The following POLD1 variants were observed in gnomAD, a reference collection of about 807,000 sequenced individuals.
POLD1 encodes the protein DNA polymerase delta 1, catalytic subunit.
POLD1 carries 79 observed loss-of-function variants against 129.7 expected under a neutral mutation model. The observed-to-expected ratio is 0.61, with a 90% confidence interval of 0.51 to 0.73. The LOEUF is 0.73. Among genes scored for constraint, POLD1 ranks in the 30% least tolerant of loss-of-function variants. POLD1 has a pLI of 0.00. For synonymous variants in POLD1, 714 were observed against 683.3 expected (o/e 1.04, Z -0.70); for missense variants, 1,338 against 1,595.8 (o/e 0.84, Z 2.75).
At chr19:50,398,078 G>A (rs1026980125) in intron 1 of POLD1, among the ~76,000 whole-genome samples, 1 of 152,214 alleles carries the variant, frequency 6.6e-6, no homozygotes, top group Non-Finnish European at 1.5e-5. Flanking sequence ...GAGAGGCGGT[G>A]AGAGAGCACA....
chr19:50,398,636 G>A lies in POLD1; in HGVS notation c.-1-215G>A, dbSNP rs1673026. The stretch of plus-strand genomic sequence containing the variant: ...ACCTAGTGTGATGGGAGAGAGGGTC[G>A]GGGAGTCGACGGGGCTGCTGCTGCA... On this transcript the variant is annotated intron_variant, in intron 1 of 26. Coordinates refer to ENST00000440232, the MANE Select transcript of POLD1 (RefSeq NM_002691.4). Among the ~76,000 whole-genome samples the A allele has an allele frequency of 0.13, 20,248 of 150,460 alleles. 2,039 individuals carry two copies. The highest frequency in any genetic ancestry group is 0.28 in the African/African-American group (11,409 of 40,724).
chr19:50,413,929 C>G (rs1305661717), intron 19 of POLD1, 50 bp downstream of exon 19: 1 of 1,518,308 alleles, frequency 6.6e-7, no homozygotes, highest in East Asian at 2.3e-5. Context: ...CATCAGGGTA[C>G]TCAGGGTGTC....
chr19:50,413,986 CT>C, intron 19 of POLD1, 107 bp downstream of exon 19: 1 of 1,196,630 alleles, frequency 8.4e-7, no homozygotes, highest in Non-Finnish European at 1.1e-6. Flanking sequence ...GATGTTGCTG[CT>C]TAGATTCTCC....
rs2122504290 is a variant in POLD1 at position 50,417,092 on chromosome 19, AAGG to A, written c.3119_3120+1del. ...GCCCCGGGAGTCTGAGCTGTATCAG[AAGG>A]AGGTGAGAGGGCCGGGAGGTGAGGA... is the stretch of plus-strand genomic sequence containing the variant. On this transcript the variant is annotated inframe_deletion and splice_region_variant, in exon 25 of 27. Coordinates refer to ENST00000440232, the MANE Select transcript of POLD1 (RefSeq NM_002691.4). 6.4e-7 allele frequency: 1 copy of A among 1,559,554 alleles called. No individual in the cohort carries two copies. The highest frequency in any genetic ancestry group is 8.7e-7 in the Non-Finnish European group (1 of 1,151,294).
chr19:50,413,727 C>A lies in POLD1; in HGVS notation c.2251-15C>A, dbSNP rs369857347. 2 of 1,587,434 alleles carry A rather than the reference C, an allele frequency of 1.3e-6. No homozygotes were observed. Among genetic ancestry groups the A allele is most frequent in the South Asian group, 1.1e-5 (1 of 88,228 alleles). ...GACCCTGCTTCTCACATACACACAT[C>A]CCCACCGCCCGCAGGTGGTGTATGG... On this transcript the variant is annotated splice_polypyrimidine_tract_variant and intron_variant, in intron 18 of 26. Transcript: ENST00000440232.
intron 14 of POLD1, among the ~76,000 whole-genome samples, chr19:50,407,725 A>ATTTTTTTTTTTTT (rs571759517): frequency 7.3e-5 from 7 of 95,328 alleles, no homozygotes; most frequent in African/African-American, 1.4e-4. Flanking sequence ...CGCCTGGCTA[A>ATTTTTTTTTTTTT]TTTTTTTTTT....
In POLD1 at chr19:50,414,983, A is replaced by G; in HGVS notation, c.2557A>G (p.Ile853Val). 1.3e-6 allele frequency: 2 copies of G among 1,579,886 alleles called. No individual in the cohort carries two copies. The highest frequency in any genetic ancestry group is 1.7e-6 in the Non-Finnish European group (2 of 1,162,078). Residue 853 changes from isoleucine (I) to valine (V), a missense_variant, in exon 20 of 27, where the codon ATC (isoleucine) becomes GTC (valine). This residue lies in a region of POLD1 where 720 missense variants were observed against 1,002.6 expected (regional missense o/e 0.72). Transcript: ENST00000440232. ...LVTASLRRLL[I>V]DRDPEGAVAH... is the part of the protein sequence containing the mutation. Reference sequence around the variant, plus strand: ...CACTGCCTCACTGCGCCGCCTGCTCATCGACCGGTGTGTGGGGCCTCCTCC... The same window carrying G: ...CACTGCCTCACTGCGCCGCCTGCTCGTCGACCGGTGTGTGGGGCCTCCTCC...
chr19:50,409,594 G>A lies in POLD1; in HGVS notation c.2082G>A (p.Lys694=). 1 of 1,613,326 alleles carries A rather than the reference G, an allele frequency of 6.2e-7. No individual in the cohort carries two copies. Among genetic ancestry groups the A allele is most frequent in the East Asian group, 2.2e-5 (1 of 44,884 alleles). The change falls in exon 17 of 27, where the codon AAG becomes AAA. Residue 694 remains lysine (K), a synonymous_variant. Coordinates refer to ENST00000440232, the MANE Select transcript of POLD1 (RefSeq NM_002691.4). This position sits in a 1 kb window ranked among gnomAD's most constrained non-coding sequence, Gnocchi z 5.8. ...QVLDGRQLAL[K]VSANSVYGFT... is the part of the protein sequence containing the mutation. ...TGGATGGACGGCAGCTGGCGCTGAA[G>A]GTGAGCGCCAACTCCGTATACGGCT...
At chr19:50,385,545 T>G (rs2037940017) in intron 1 of POLD1, among the ~76,000 whole-genome samples, 1 of 134,234 alleles carries the variant, frequency 7.4e-6, no homozygotes, top group Non-Finnish European at 1.5e-5. Flanking sequence ...TTTTTTTTTT[T>G]TGAGACAGAG....
rs778084767 is a variant in POLD1, at chr19:50,402,753, G to T, written c.970+12G>T. On this transcript the variant is annotated intron_variant, in intron 8 of 26. Coordinates refer to ENST00000440232, the MANE Select transcript of POLD1 (RefSeq NM_002691.4). ...CGCCGGCCGCAAAGGTCTGTCCCCG[G>T]GCCCGGGCTCCTGCCCGCCTCATTG... 1 of 1,577,532 alleles carries T rather than the reference G, an allele frequency of 6.3e-7. No individual in the cohort carries two copies.
Position 50,415,756 on chromosome 19 carries a change from G to T in POLD1, c.2750G>T (p.Ser917Ile). The change falls in exon 22 of 27, where the codon AGC (serine) becomes ATC (isoleucine). Residue 917 changes from serine (S) to isoleucine (I), a missense_variant. Ser to Ile is a moderately radical substitution (Grantham distance 142, BLOSUM62 -2). Around this residue, in one of 3 missense-constraint regions of POLD1, gnomAD observed 286 missense variants for 277.5 expected, o/e 1.03. Coordinates refer to ENST00000440232, the MANE Select transcript of POLD1 (RefSeq NM_002691.4). ...AAGCGGGACCCCGGGAGTGCGCCCA[G>T]CCTGGGCGACCGCGTCCCCTACGTG... The part of the protein sequence containing the change: ...MRKRDPGSAP[S>I]LGDRVPYVII... 1 of 1,403,290 alleles carries T rather than the reference G, an allele frequency of 7.1e-7. No homozygotes were observed. 86.9% of individuals were successfully genotyped at this position (1,403,290 alleles called of 1,614,324 possible).
chr19:50,407,209 C>G, intron 13 of POLD1, 35 bp downstream of exon 13: 1 of 1,577,414 alleles, frequency 6.3e-7, no homozygotes, highest in Non-Finnish European at 8.7e-7. Flanking sequence ...CCACCCCCCA[C>G]CAGGCACGTC....
intron 8 of POLD1, 94 bp from the exon 9 acceptor site, chr19:50,402,959 C>T (rs56127983): frequency 8.8e-6 from 13 of 1,469,334 alleles, no homozygotes; most frequent in Admixed American, 4.0e-5. Context: ...CGGCAGGCAG[C>T]GGGGACAGCC....
At position 50,406,192 on chromosome 19, in the gene POLD1, T is replaced by C. The variant is rs1275473535; in HGVS notation, c.1253T>C (p.Phe418Ser). Residue 418 changes from phenylalanine (F) to serine (S), a missense_variant, in exon 11 of 27, where the codon TTC becomes TCC. Physicochemically the swap from Phe to Ser is radical, Grantham distance 155. Around this residue, in one of 3 missense-constraint regions of POLD1, gnomAD observed 720 missense variants for 1,002.6 expected, o/e 0.72. Transcript: ENST00000440232. The surrounding 1 kb of genome is among the most constrained non-coding windows in gnomAD (Gnocchi z 5.5). ...GCCTCTCCTCCTCAGGTACAAACAT[T>C]CCCTTTCCTGGGCCGTGTGGCCGGC... Reference protein sequence around the residue: ...SRAQTLKVQTFPFLGRVAGLC... With the variant: ...SRAQTLKVQTSPFLGRVAGLC... 1 of 1,613,362 alleles carries C rather than the reference T, an allele frequency of 6.2e-7. No homozygotes were observed. Among genetic ancestry groups the C allele is most frequent in the South Asian group, 1.1e-5 (1 of 91,044 alleles).
rs2038700651 is a variant in POLD1 at position 50,402,663 on chromosome 19, C to T, written c.892C>T (p.His298Tyr). 1.9e-6 allele frequency: 3 copies of T among 1,595,036 alleles called. No individual in the cohort carries two copies. Among genetic ancestry groups the T allele is most frequent in the Non-Finnish European group, 2.6e-6 (3 of 1,169,910 alleles). ...ADVLWSDVVS[H>Y]PPEGPWQRIA... ...CGTGCTGTGGTCTGACGTGGTCAGTCACCCACCGGAAGGGCCATGGCAGCG... is the reference window on the plus strand; with the variant it reads ...CGTGCTGTGGTCTGACGTGGTCAGTTACCCACCGGAAGGGCCATGGCAGCG... Residue 298 changes from histidine (H) to tyrosine (Y), a missense_variant, in exon 8 of 27, where the codon CAC becomes TAC. Around this residue, in one of 3 missense-constraint regions of POLD1, gnomAD observed 720 missense variants for 1,002.6 expected, o/e 0.72. Transcript: ENST00000440232.
chr19:50,411,181 T>C (rs762089315), intron 17 of POLD1: 1 of 152,212 alleles, frequency 6.6e-6, no homozygotes. Flanking sequence ...GACACTGTTA[T>C]CAGGCGGGAT....
At chr19:50,401,129 A>G (rs2038583805) in intron 3 of POLD1, among the ~76,000 whole-genome samples, 1 of 151,472 alleles carries the variant, frequency 6.6e-6, no homozygotes, top group Non-Finnish European at 1.5e-5. Flanking sequence ...CTCTACTAAA[A>G]ATTCAAAAAA....
In POLD1 at chr19:50,388,364, C is replaced by T. The variant is rs60939107; in HGVS notation, c.-2+3974C>T. Among the ~76,000 whole-genome samples, 1,360 of 152,306 alleles carry T rather than the reference C, an allele frequency of 8.9e-3. 21 individuals are homozygous for T. The highest frequency in any genetic ancestry group is 0.03 in the African/African-American group (1,249 of 41,558). ...TAAAGCAGTTAGCAAATGAAGTCTT[C>T]TACCCTGTCCCCCAGGAAACCAGTT... On this transcript the variant is annotated intron_variant, in intron 1 of 26. Transcript: ENST00000440232.
rs868847470 is a variant in POLD1 at position 50,414,990 on chromosome 19, G to A, written c.2564G>A (p.Arg855Gln). ...TCACTGCGCCGCCTGCTCATCGACC[G>A]GTGTGTGGGGCCTCCTCCCTCAGAC... ...TASLRRLLID[R>Q]DPEGAVAHAQ... is the part of the protein sequence containing the mutation. The change falls in exon 20 of 27, where the codon CGA (arginine) becomes CAA (glutamine). Residue 855 changes from arginine to glutamine, a missense_variant and splice_region_variant. Physicochemically the swap from Arg to Gln is conservative, Grantham distance 43. Around this residue, in one of 3 missense-constraint regions of POLD1, gnomAD observed 720 missense variants for 1,002.6 expected, o/e 0.72. Coordinates refer to ENST00000440232, the MANE Select transcript of POLD1 (RefSeq NM_002691.4). The A allele has an allele frequency of 1.9e-6, 3 of 1,566,228 alleles. No homozygotes were observed. The highest frequency in any genetic ancestry group is 1.7e-4 in the Middle Eastern group (1 of 5,874).
Sources: gnomAD v4.1 joint callset for allele counts (sites outside exome capture counted in the v4.1 genomes callset) on GRCh38, gnomAD v4.1.1 for gene constraint, gnomAD v4.1.1 regional missense constraint, Gnocchi (gnomAD v3.1) non-coding constraint, MANE v1.5 for transcripts, NCBI Gene and HGNC (gene_info 2026-07-23, HGNC 2026-07-21) for gene names.